Variants in RAB4B observed in about 807,000 individuals in gnomAD.
RAB4B encodes RAB4B, member RAS oncogene family.
In RAB4B, 15 loss-of-function variants were observed where a neutral mutation model predicts 28.3. That is an observed-to-expected ratio of 0.53 (90% CI 0.35 to 0.82). The LOEUF (loss-of-function observed/expected upper bound fraction) is 0.82, where lower values mean the gene tolerates loss of function less well. Among genes scored for constraint, RAB4B ranks in the 40% least tolerant of loss-of-function variants. The probability of loss-of-function intolerance (pLI) is 0.01; values close to 1 mark genes in which losing one functional copy is unlikely to be tolerated. For synonymous variants in RAB4B, 108 were observed against 116.3 expected (o/e 0.93, Z 0.46); for missense variants, 244 against 288.5 (o/e 0.85, Z 1.12).
chr19:40,794,893 C>T (rs919165934), intron 7 of RAB4B: 12 of 151,158 alleles, frequency 7.9e-5, no homozygotes, highest in African/African-American at 1.2e-4. Context: ...GCCTGTGATC[C>T]CAGCACTTTG....
intron 6 of RAB4B, 29 bp from the exon 7 acceptor site, chr19:40,786,819 C>G (rs367917319): frequency 8.7e-6 from 14 of 1,614,092 alleles, no homozygotes; most frequent in Middle Eastern, 1.6e-4. Context: ...CTCCAGGCAA[C>G]CAATGCTGAC....
At chr19:40,791,196 G>A (rs919565674) in intron 7 of RAB4B, among the ~76,000 whole-genome samples, 4 of 151,940 alleles carry the variant, frequency 2.6e-5, no homozygotes, top group Non-Finnish European at 4.4e-5. Context: ...TGCCATGCTC[G>A]TGAGGCTGGT....
chr19:40,796,608 G>T lies in RAB4B; in HGVS notation c.*54G>T. On this transcript the variant is annotated 3_prime_UTR_variant, in exon 8 of 8. Transcript: ENST00000357052. ...CAGGACCAGCCCTGCTGGGGCCCAG[G>T]CCCAGGCTCTGAGAGGCCGTGTCCT... 6.5e-6 allele frequency: 1 copy of T among 152,928 alleles called. No homozygotes were observed. The highest frequency in any genetic ancestry group is 3.4e-3 in the Middle Eastern group (1 of 298). The allele number at this position is 152,928 out of a possible 1,614,324, so 9.5% of individuals were successfully genotyped here. A position where few individuals can be genotyped will look rare whatever the true frequency, so the allele number is the denominator to read the frequency against.
At chr19:40,793,427 G>C (rs965949733) in intron 7 of RAB4B, among the ~76,000 whole-genome samples, 1 of 151,460 alleles carries the variant, frequency 6.6e-6, no homozygotes, top group South Asian at 2.1e-4. Flanking sequence ...TTTTTGAAGA[G>C]ATGGGGTTTC....
chr19:40,781,747 C>T (rs1447442334), intron 3 of RAB4B, among the ~76,000 whole-genome samples: 2 of 152,038 alleles, frequency 1.3e-5, no homozygotes, highest in African/African-American at 2.4e-5. Flanking sequence ...AGAGGCCGGG[C>T]GTGGTGGCTC....
At chr19:40,780,189 G>T in intron 2 of RAB4B, 90 bp downstream of exon 2, 2 of 1,562,262 alleles carry the variant, frequency 1.3e-6, no homozygotes, top group South Asian at 1.2e-5. Context: ...GGGCAGGGCT[G>T]GCCATAGGTA....
At position 40,783,790 on chromosome 19, in the gene RAB4B, G is replaced by T. The variant is rs1398289436; in HGVS notation, c.225G>T (p.Arg75=). The part of the protein sequence containing the change: ...AGQERFRSVT[R]SYYRGAAGAL... ...CCTGGCCCCACAGGTCAGTGACGCG[G>T]AGTTATTACCGAGGGGCGGCTGGAG... The change falls in exon 4 of 8, where the codon CGG becomes CGT. Residue 75 remains arginine, a synonymous_variant. Transcript: ENST00000357052. 1 of 1,558,516 alleles carries T rather than the reference G, an allele frequency of 6.4e-7. No homozygotes were observed. The highest frequency in any genetic ancestry group is 8.7e-7 in the Non-Finnish European group (1 of 1,147,744).
At chr19:40,781,034 G>A (rs1271054019) in intron 3 of RAB4B, among the ~76,000 whole-genome samples, 20 of 151,238 alleles carry the variant, frequency 1.3e-4, no homozygotes, top group Non-Finnish European at 2.1e-4. Context: ...CCAGCACTGT[G>A]GGAGGCTGAG....
intron 7 of RAB4B, among the ~76,000 whole-genome samples, chr19:40,795,335 T>C (rs985004917): frequency 1.3e-5 from 2 of 151,904 alleles, no homozygotes; most frequent in African/African-American, 2.4e-5. Flanking sequence ...TCCAGGAACA[T>C]AGAGGGACAC....
intron 6 of RAB4B, 35 bp downstream of exon 6, chr19:40,786,795 G>A: frequency 6.2e-7 from 1 of 1,614,138 alleles, no homozygotes; most frequent in Non-Finnish European, 8.5e-7. Flanking sequence ...GGAGCGAAGG[G>A]CAGGCCCGGG....
intron 3 of RAB4B, among the ~76,000 whole-genome samples, chr19:40,780,715 A>G (rs368027353): frequency 6.6e-6 from 1 of 151,980 alleles, no homozygotes; most frequent in African/African-American, 2.4e-5. Flanking sequence ...GCCAGGCGCA[A>G]TGGCTCATGC....
At chr19:40,780,593 G>A in intron 3 of RAB4B, 94 bp downstream of exon 3, 1 of 951,848 alleles carries the variant, frequency 1.1e-6, no homozygotes, top group Non-Finnish European at 1.6e-6. Context: ...CACTGAGAGG[G>A]CAGACAAGGC....
intron 1 of RAB4B, 68 bp from the exon 2 acceptor site, chr19:40,779,951 A>C (rs1311381015): frequency 6.2e-7 from 1 of 1,609,674 alleles, no homozygotes; most frequent in African/African-American, 1.3e-5. Context: ...ATTGGATTGG[A>C]ATCCATCTTT....
At position 40,793,663 on chromosome 19, in the gene RAB4B, C is replaced by T. The variant is rs548423783; in HGVS notation, c.*16-2907C>T. On this transcript the variant is annotated intron_variant, in intron 7 of 7. Transcript: ENST00000357052. ...TGGCCTTGCCGGGCGCAGTGGCTCA[C>T]GCCTGTAATCCCACCACTTTGGGAG... 2.2e-3 allele frequency among the ~76,000 whole-genome samples: 332 copies of T among 148,874 alleles called. 1 individual carries two copies. Among genetic ancestry groups the T allele is most frequent in the African/African-American group, 7.0e-3 (283 of 40,286 alleles).
Position 40,786,875 on chromosome 19 carries a change from C to G in RAB4B, c.554C>G (p.Ser185Cys). The change falls in exon 7 of 8, where the codon TCT becomes TGT. Residue 185 changes from serine (S) to cysteine (C), a missense_variant. By Grantham distance (112) the Ser-to-Cys change is moderately radical. Transcript: ENST00000357052. ...SGELDPERMG[S>C]GIQYGDASLR... is the part of the protein sequence containing the mutation. ...GAGCTAGACCCGGAGAGGATGGGCT[C>G]TGGCATTCAGTACGGGGATGCGTCC... The G allele has an allele frequency of 6.2e-7, 1 of 1,614,140 alleles. No individual in the cohort carries two copies. The highest frequency in any genetic ancestry group is 1.1e-5 in the South Asian group (1 of 91,090).
rs1265289127 is a variant in RAB4B at position 40,790,858 on chromosome 19, T to A, written c.*15+3880T>A. ...TGCCACAACCAGCTAATTTTTGTAT[T>A]TTTTTTTTTTTTTTGGAGATGGAGT... On this transcript the variant is annotated intron_variant, in intron 7 of 7. Coordinates refer to ENST00000357052, the MANE Select transcript of RAB4B (RefSeq NM_016154.5). Among the ~76,000 whole-genome samples the A allele has an allele frequency of 1.6e-4, 12 of 75,462 alleles. No individual in the cohort carries two copies. The South Asian group carries it at 3.3e-3, about 21-fold the overall frequency. The allele number at this position is 75,462 out of a possible 152,430, so 49.5% of individuals were successfully genotyped here.
intron 1 of RAB4B, chr19:40,779,315 C>T (rs2083025206): frequency 6.6e-6 from 1 of 152,318 alleles, no homozygotes; most frequent in Non-Finnish European, 1.5e-5. Context: ...GTTACCTCAT[C>T]CGGAAAATGG....
intron 3 of RAB4B, among the ~76,000 whole-genome samples, chr19:40,782,814 A>ATCAG (rs1276682971): frequency 1.8e-5 from 2 of 112,842 alleles, no homozygotes; most frequent in Non-Finnish European, 4.0e-5. Flanking sequence ...CTCCATCTCA[A>ATCAG]TCAGTCAATC....
Position 40,778,340 on chromosome 19 carries a change from C to T in RAB4B, c.-36C>T. The T allele has an allele frequency of 3.4e-6, 5 of 1,490,512 alleles. No homozygotes were observed. Among genetic ancestry groups the T allele is most frequent in the African/African-American group, 1.4e-5 (1 of 69,112 alleles). The allele number at this position is 1,490,512 out of a possible 1,614,324, so 92.3% of individuals were successfully genotyped here. On this transcript the variant is annotated 5_prime_UTR_variant, in exon 1 of 8. Transcript: ENST00000357052. ...AGCCGAGGAGCAGGCGCGGCCGCGG[C>T]GCCATATTGCGGCCCTCAGCGGCCG...
Sources: allele counts gnomAD v4.1 joint callset (sites outside exome capture counted in the v4.1 genomes callset), GRCh38; gene constraint gnomAD v4.1.1; transcripts MANE v1.5; gene names NCBI Gene and HGNC (gene_info 2026-07-23, HGNC 2026-07-21).